Variants in RFX3 observed in about 807,000 individuals in gnomAD.
RFX3 encodes transcription factor RFX3.
RFX3 carries 14 observed loss-of-function variants against 98.6 expected under a neutral mutation model. The ratio of observed to expected loss-of-function variants is 0.14; its 90% CI spans 0.09 to 0.22. RFX3 has a LOEUF of 0.22. Among genes scored for constraint, RFX3 ranks in the 10% least tolerant of loss-of-function variants. The pLI, the probability that RFX3 is intolerant of heterozygous loss-of-function variation, is 1.00. For synonymous variants in RFX3, 383 were observed against 328.4 expected (o/e 1.17, Z -1.80); for missense variants, 639 against 926.9 (o/e 0.69, Z 4.03).
intron 2 of RFX3, among the ~76,000 whole-genome samples, chr9:3,383,026 G>C (rs1054656622): frequency 8.5e-5 from 13 of 152,066 alleles, no homozygotes; most frequent in African/African-American, 2.4e-4. Context: ...GATTGGCAAA[G>C]TTATTTATTT....
chr9:3,488,920 T>C lies in RFX3; in HGVS notation c.-9+36827A>G, dbSNP rs7031507. 1.2e-3 allele frequency: 1,220 copies of C among 983,610 alleles called. 11 individuals carry two copies. In the African/African-American group the frequency reaches 0.019, roughly 15 times the overall value. The allele number at this position is 983,610 out of a possible 1,614,324, so 60.9% of individuals were successfully genotyped here. ...GCTAAAACAAAGACCATATATCAAA[T>C]TGAAATAAGGAGTACCTTGTTCCCT... On this transcript the variant is annotated intron_variant, in intron 1 of 16. Transcript: ENST00000617270.
chr9:3,464,753 C>T (rs2133110039), intron 1 of RFX3, among the ~76,000 whole-genome samples: 1 of 152,188 alleles, frequency 6.6e-6, no homozygotes, highest in Non-Finnish European at 1.5e-5. Context: ...TGGTGAATTA[C>T]ACAGTAAGTA....
At chr9:3,302,072 G>A (rs1407652958) in intron 4 of RFX3, among the ~76,000 whole-genome samples, 2 of 151,782 alleles carry the variant, frequency 1.3e-5, no homozygotes, top group African/African-American at 4.8e-5. Context: ...ATATTTTAAT[G>A]CAAATGAACA....
chr9:3,313,212 T>G (rs1423520830), intron 4 of RFX3, among the ~76,000 whole-genome samples: 2 of 152,150 alleles, frequency 1.3e-5, no homozygotes, highest in Non-Finnish European at 2.9e-5. Context: ...TCTGCAATAT[T>G]TGCTGTTCTG....
intron 2 of RFX3, among the ~76,000 whole-genome samples, chr9:3,355,376 C>T (rs1587275422): frequency 6.6e-6 from 1 of 151,528 alleles, no homozygotes; most frequent in African/African-American, 2.4e-5. Context: ...ATAAATCTTG[C>T]AAATGCCAAT....
chr9:3,228,158 TC>T (rs1475011289), intron 16 of RFX3, among the ~76,000 whole-genome samples: 4 of 152,234 alleles, frequency 2.6e-5, no homozygotes, highest in Admixed American at 1.3e-4. Context: ...GGTATATTTA[TC>T]AGTATTGTTT....
At chr9:3,247,995 T>C (rs1431801432) in intron 15 of RFX3, 37 bp downstream of exon 15, 8 of 1,614,074 alleles carry the variant, frequency 5.0e-6, no homozygotes, top group Non-Finnish European at 6.8e-6. Context: ...TTATTTTTAA[T>C]AACCCAGTGG....
At position 3,281,158 on chromosome 9, in the gene RFX3, T is replaced by C. The variant is rs62526367; in HGVS notation, c.852-3697A>G. On this transcript the variant is annotated intron_variant, in intron 7 of 16. Transcript: ENST00000617270. ...GTATAAATATAATTTTTCCAAGATG[T>C]CTTTTATATTCTATTGGCTTACATA... Among the ~76,000 whole-genome samples, 1,154 of 151,786 alleles carry C rather than the reference T, an allele frequency of 7.6e-3. 7 individuals carry two copies. Among genetic ancestry groups the C allele is most frequent in the South Asian group, 0.022 (106 of 4,824 alleles).
chr9:3,260,818 G>T (rs747908714), intron 13 of RFX3, among the ~76,000 whole-genome samples: 2 of 149,902 alleles, frequency 1.3e-5, no homozygotes, highest in East Asian at 1.9e-4. Context: ...ATGGATAGAT[G>T]ATATTTTTTA....
chr9:3,265,875 T>A (rs188700751), intron 12 of RFX3, among the ~76,000 whole-genome samples: 1 of 152,220 alleles, frequency 6.6e-6, no homozygotes, highest in Non-Finnish European at 1.5e-5. Flanking sequence ...AGGCTATTAT[T>A]TTAATATTTG....
intron 4 of RFX3, among the ~76,000 whole-genome samples, chr9:3,303,151 T>G (rs894127842): frequency 6.6e-6 from 1 of 151,834 alleles, no homozygotes; most frequent in Non-Finnish European, 1.5e-5. Flanking sequence ...AGAATGGATG[T>G]TAATGCAGTT....
At chr9:3,418,360 A>T (rs920702162) in intron 1 of RFX3, among the ~76,000 whole-genome samples, 2 of 152,168 alleles carry the variant, frequency 1.3e-5, no homozygotes, top group Non-Finnish European at 2.9e-5. Context: ...GCATTGATTT[A>T]TAAATACTTG....
chr9:3,314,933 T>C (rs1830412647), intron 4 of RFX3, among the ~76,000 whole-genome samples: 2 of 152,164 alleles, frequency 1.3e-5, no homozygotes, highest in African/African-American at 2.4e-5. Context: ...TGGGAGACTT[T>C]AGCACCCCAC....
chr9:3,444,217 ATAC>A (rs1268695152), intron 1 of RFX3, among the ~76,000 whole-genome samples: 1 of 152,222 alleles, frequency 6.6e-6, no homozygotes, highest in African/African-American at 2.4e-5. Flanking sequence ...ATGTGATGAA[ATAC>A]TACTCATCAA....
At chr9:3,422,334 G>T (rs982997899) in intron 1 of RFX3, among the ~76,000 whole-genome samples, 3 of 152,196 alleles carry the variant, frequency 2.0e-5, no homozygotes, top group Non-Finnish European at 4.4e-5. Flanking sequence ...TGTTGCTGTT[G>T]TTGGTAATGG....
rs1165785493 is a variant in RFX3 at position 3,293,188 on chromosome 9, T to A, written c.620A>T (p.His207Leu). 6.2e-7 allele frequency: 1 copy of A among 1,613,442 alleles called. No individual in the cohort carries two copies. Residue 207 changes from histidine (H) to leucine (L), a missense_variant, in exon 6 of 17, where the codon CAC becomes CTC. Physicochemically the swap from His to Leu is moderately conservative, Grantham distance 99. Transcript: ENST00000617270. ...GTGTTCCTGACAGTGTCGAAGGTAGTGGTTGTACAGAGTGCTTCTGGGAAG... is the reference window on the plus strand; with the variant it reads ...GTGTTCCTGACAGTGTCGAAGGTAGAGGTTGTACAGAGTGCTTCTGGGAAG... ...VSLPRSTLYNHYLRHCQEHKL... is the reference protein window; with the variant it reads ...VSLPRSTLYNLYLRHCQEHKL...
chr9:3,478,604 T>G (rs1010900921), intron 1 of RFX3, among the ~76,000 whole-genome samples: 1 of 152,126 alleles, frequency 6.6e-6, no homozygotes, highest in Non-Finnish European at 1.5e-5. Flanking sequence ...TTCAGGAAGC[T>G]TACAAATAGC....
chr9:3,326,450 T>C (rs899712641), intron 4 of RFX3, among the ~76,000 whole-genome samples: 3 of 152,094 alleles, frequency 2.0e-5, no homozygotes, highest in Non-Finnish European at 2.9e-5. Flanking sequence ...ATTAAGCCTA[T>C]TATTCATTAT....
intron 15 of RFX3, among the ~76,000 whole-genome samples, chr9:3,245,071 T>G (rs1411794351): frequency 6.6e-6 from 1 of 152,196 alleles, no homozygotes; most frequent in Non-Finnish European, 1.5e-5. Flanking sequence ...TCAAAGTCCT[T>G]TATTGTTTCC....
Sources: allele counts gnomAD v4.1 joint callset (sites outside exome capture counted in the v4.1 genomes callset), GRCh38; gene constraint gnomAD v4.1.1; transcripts MANE v1.5; gene names NCBI Gene and HGNC (gene_info 2026-07-23, HGNC 2026-07-21).